CELSR1: variants seen among roughly 807,000 people sequenced by gnomAD.
The protein encoded by CELSR1 is cadherin EGF LAG seven-pass G-type receptor 1.
CELSR1 carries 110 observed loss-of-function variants against 249.1 expected under a neutral mutation model. The observed-to-expected ratio is 0.44, with a 90% CI of 0.38 to 0.52. The LOEUF is 0.52. Among genes scored for constraint, CELSR1 ranks in the 20% least tolerant of loss-of-function variants. CELSR1 has a pLI of 0.00. For synonymous variants in CELSR1, 2,113 were observed against 1,900.0 expected, an observed-to-expected ratio of 1.11 and a Z score of -2.92; for missense variants, 4,109 against 4,296.4, an observed-to-expected ratio of 0.96 and a Z score of 1.22.
At chr22:46,392,132 G>A (rs557811686) in intron 14 of CELSR1, among the ~76,000 whole-genome samples, 10 of 152,380 alleles carry the variant, frequency 6.6e-5, no homozygotes, top group African/African-American at 1.9e-4. Context: ...GCTTACGTAT[G>A]GGGATAGCCC....
intron 5 of CELSR1, among the ~76,000 whole-genome samples, chr22:46,414,681 G>A (rs920396303): frequency 6.6e-6 from 1 of 152,226 alleles, no homozygotes; most frequent in Admixed American, 6.5e-5. Flanking sequence ...GAGGCAGGGA[G>A]TGCATGGACA....
intron 5 of CELSR1, among the ~76,000 whole-genome samples, chr22:46,426,806 T>C (rs1340842385): frequency 6.6e-6 from 1 of 152,160 alleles, no homozygotes; most frequent in Non-Finnish European, 1.5e-5. Flanking sequence ...TCTTCCGCCA[T>C]GTGAGGACCC....
In CELSR1 at chr22:46,518,093, T is replaced by C. The variant is rs1049903255; in HGVS notation, c.3544+15534A>G. ...AATTTTTTTGTGTTTTTAGTAGAGA[T>C]GGGGTTTCTCCATGTTGGTCAGGCT... On this transcript the variant is annotated intron_variant, in intron 1 of 34. Coordinates refer to ENST00000674500, the MANE Select transcript of CELSR1 (RefSeq NM_001378328.1). The surrounding 1 kb of genome is among the most constrained non-coding windows in gnomAD (Gnocchi z 5.2). 6.6e-6 allele frequency among the ~76,000 whole-genome samples: 1 copy of C among 152,032 alleles called. No homozygotes were observed. Among genetic ancestry groups the C allele is most frequent in the Non-Finnish European group, 1.5e-5 (1 of 68,002 alleles).
intron 24 of CELSR1, among the ~76,000 whole-genome samples, chr22:46,373,882 G>A (rs373143969): frequency 3.3e-5 from 5 of 152,256 alleles, no homozygotes; most frequent in East Asian, 3.9e-4. Flanking sequence ...ACACAGAAGC[G>A]TAGGAGGAGA....
At position 46,381,575 on chromosome 22, in the gene CELSR1, G is replaced by T. The variant is rs2078978135; in HGVS notation, c.7088+271C>A. On this transcript the variant is annotated intron_variant, in intron 21 of 34. Coordinates refer to ENST00000674500, the MANE Select transcript of CELSR1 (RefSeq NM_001378328.1). The surrounding 1 kb of genome is among the most constrained non-coding windows in gnomAD (Gnocchi z 6.0). ...GGGGTCCCTCTGGGCACAAGATGGG[G>T]TGTATGCTGGGGAGGGGGCATTTCT... Among the ~76,000 whole-genome samples the T allele has an allele frequency of 6.6e-6, 1 of 152,208 alleles. No homozygotes were observed. The highest frequency in any genetic ancestry group is 6.5e-5 in the Admixed American group (1 of 15,284).
rs1172605643 is a variant in CELSR1, at chr22:46,537,350, C to A, written c.-180G>T. On this transcript the variant is annotated 5_prime_UTR_variant, in exon 1 of 35. Coordinates refer to ENST00000674500, the MANE Select transcript of CELSR1 (RefSeq NM_001378328.1). The surrounding 1 kb of genome is among the most constrained non-coding windows in gnomAD (Gnocchi z 5.8). ...TGGGGACCACGCGCCCGGCCTCCCC[C>A]GCAGCTTCCACTTCGAGAGCACTTT... Among the ~76,000 whole-genome samples the A allele has an allele frequency of 6.7e-6, 1 of 148,874 alleles. No homozygotes were observed. The highest frequency in any genetic ancestry group is 1.5e-5 in the Non-Finnish European group (1 of 66,816).
Position 46,534,059 on chromosome 22 carries a change from T to C in CELSR1, c.3112A>G (p.Ile1038Val), listed in dbSNP as rs1398447657. The change falls in exon 1 of 35, where the codon ATT becomes GTT. Residue 1038 changes from isoleucine (I) to valine (V), a missense_variant. Transcript: ENST00000674500. This position sits in a 1 kb window ranked among gnomAD's most constrained non-coding sequence, Gnocchi z 9.7. ...AAATGCCGCATGTCCCCTTCCACAA[T>C]CTGATACATGATCTGGGCATTAGGG... is the stretch of plus-strand genomic sequence containing the variant. ...EGPNAQIMYQ[I>V]VEGDMRHFFQ... 2 of 1,613,606 alleles carry C rather than the reference T, an allele frequency of 1.2e-6. No homozygotes were observed. Among genetic ancestry groups the C allele is most frequent in the African/African-American group, 1.3e-5 (1 of 74,920 alleles).
intron 1 of CELSR1, among the ~76,000 whole-genome samples, chr22:46,521,270 G>A (rs559991051): frequency 1.1e-4 from 16 of 152,232 alleles, no homozygotes; most frequent in African/African-American, 3.4e-4. Context: ...TTGGGAAGCC[G>A]AAGCAAGAGG....
intron 20 of CELSR1, 99 bp from the exon 21 acceptor site, chr22:46,382,149 TC>T: frequency 8.7e-7 from 1 of 1,145,172 alleles, no homozygotes; most frequent in Non-Finnish European, 1.2e-6. Flanking sequence ...CCAACAGATG[TC>T]CCACAGAAAA....
chr22:46,469,029 T>C lies in CELSR1; in HGVS notation c.3545-4684A>G, dbSNP rs1472268526. ...AGGCAGAGGTTGCAGTGAGCCAAGATTGCGCCACTGCACTCCAGCCTGGGG... is the reference window on the plus strand; with the variant it reads ...AGGCAGAGGTTGCAGTGAGCCAAGACTGCGCCACTGCACTCCAGCCTGGGG... On this transcript the variant is annotated intron_variant, in intron 1 of 34. Transcript: ENST00000674500. 2.6e-5 allele frequency among the ~76,000 whole-genome samples: 4 copies of C among 152,222 alleles called. No individual in the cohort carries two copies. In the South Asian group the frequency reaches 6.2e-4, roughly 24 times the overall value.
In CELSR1 at chr22:46,468,105, T is replaced by C. The variant is rs4823820; in HGVS notation, c.3545-3760A>G. Reference sequence around the variant, plus strand: ...ATTAACGGATTAAAACAATGTGGTCTGGCCAGGTGTGGTGGCTTACACCTG... The same window carrying C: ...ATTAACGGATTAAAACAATGTGGTCCGGCCAGGTGTGGTGGCTTACACCTG... On this transcript the variant is annotated intron_variant, in intron 1 of 34. Transcript: ENST00000674500. This position sits in a 1 kb window ranked among gnomAD's most constrained non-coding sequence, Gnocchi z 4.5. Among the ~76,000 whole-genome samples the C allele has an allele frequency of 0.92, 139,961 of 151,992 alleles. 64,631 individuals are homozygous for C. Among genetic ancestry groups the C allele is most frequent in the East Asian group, 1 (5,138 of 5,142 alleles).
Position 46,534,197 on chromosome 22 carries a change from T to C in CELSR1, c.2974A>G (p.Ile992Val), listed in dbSNP as rs748246932. ...TCAAACATGGGGGCATTGTCATTAA[T>C]GTCCAAGATGGTCACCTGGATTTCT... The part of the protein sequence containing the change: ...SVEIQVTILD[I>V]NDNAPMFEKD... Residue 992 changes from isoleucine to valine, a missense_variant, in exon 1 of 35, where the codon ATT (isoleucine) becomes GTT (valine). Around this residue, in one of 7 missense-constraint regions of CELSR1, gnomAD observed 886 missense variants for 896.5 expected, o/e 0.99. Coordinates refer to ENST00000674500, the MANE Select transcript of CELSR1 (RefSeq NM_001378328.1). The surrounding 1 kb of genome is among the most constrained non-coding windows in gnomAD (Gnocchi z 9.7). 1.5e-5 allele frequency: 24 copies of C among 1,613,752 alleles called. No homozygotes were observed. Among genetic ancestry groups the C allele is most frequent in the African/African-American group, 1.5e-4 (11 of 74,938 alleles).
At chr22:46,453,407 C>T (rs114450384) in intron 2 of CELSR1, among the ~76,000 whole-genome samples, 2,583 of 152,286 alleles carry the variant, frequency 0.017, 67 homozygotes, top group African/African-American at 0.056. Context: ...GACAGATCAA[C>T]GTCCAGAAAA....
intron 18 of CELSR1, 37 bp downstream of exon 18, chr22:46,389,253 G>T: frequency 6.3e-7 from 1 of 1,596,462 alleles, no homozygotes; most frequent in South Asian, 1.1e-5. Context: ...GAGTGTCCCC[G>T]AGTGTCCCCG....
chr22:46,362,226 C>T lies in CELSR1; in HGVS notation c.*997G>A, dbSNP rs929897718. The T allele has an allele frequency of 6.6e-6, 1 of 152,282 alleles. No homozygotes were observed. The highest frequency in any genetic ancestry group is 2.4e-5 in the African/African-American group (1 of 41,460). The allele number at this position is 152,282 out of a possible 1,614,324, so 9.4% of individuals were successfully genotyped here. On this transcript the variant is annotated 3_prime_UTR_variant, in exon 35 of 35. Coordinates refer to ENST00000674500, the MANE Select transcript of CELSR1 (RefSeq NM_001378328.1). ...TCCCCACCTGCAGCTCCCGGGCCAC[C>T]TGGGAGGCGGTGAGGGGAGGGGGTG...
rs1388274333 is a variant in CELSR1 at position 46,374,613 on chromosome 22, C to G, written c.7585-1556G>C. On this transcript the variant is annotated intron_variant, in intron 24 of 34. Transcript: ENST00000674500. This position sits in a 1 kb window ranked among gnomAD's most constrained non-coding sequence, Gnocchi z 4.3. ...GGACAGCGCTCACTCCGGCAGGCGACGAGTCAGTGTGGGAACCCAGGGGCC... is the reference window on the plus strand; with the variant it reads ...GGACAGCGCTCACTCCGGCAGGCGAGGAGTCAGTGTGGGAACCCAGGGGCC... Among the ~76,000 whole-genome samples the G allele has an allele frequency of 6.6e-6, 1 of 152,114 alleles. No homozygotes were observed. The highest frequency in any genetic ancestry group is 1.5e-5 in the Non-Finnish European group (1 of 68,018).
chr22:46,369,311 C>T lies in CELSR1; in HGVS notation c.7873-53G>A, dbSNP rs2078824866. 16 of 1,523,864 alleles carry T rather than the reference C, an allele frequency of 1.0e-5. 1 individual carries two copies. In the East Asian group the frequency reaches 3.6e-4, roughly 34 times the overall value. The allele number at this position is 1,523,864 out of a possible 1,614,324, so 94.4% of individuals were successfully genotyped here. On this transcript the variant is annotated intron_variant, in intron 26 of 34. Coordinates refer to ENST00000674500, the MANE Select transcript of CELSR1 (RefSeq NM_001378328.1). ...CTTCTCTCTCGTCACTGCAGACCTCCAACTGCCAAAAGCGCCTGAGGCCCT... is the reference window on the plus strand; with the variant it reads ...CTTCTCTCTCGTCACTGCAGACCTCTAACTGCCAAAAGCGCCTGAGGCCCT...
At position 46,534,324 on chromosome 22, in the gene CELSR1, C is replaced by T; in HGVS notation, c.2847G>A (p.Val949=). 2 of 1,613,118 alleles carry T rather than the reference C, an allele frequency of 1.2e-6. No individual in the cohort carries two copies. Among genetic ancestry groups the T allele is most frequent in the Non-Finnish European group, 1.7e-6 (2 of 1,180,038 alleles). ...GDFYIEPTSG[V]IRTQRRLDRE... ...GGTCCAGCCGGCGCTGGGTGCGAAT[C>T]ACACCGGACGTGGGCTCGATGTAGA... The change falls in exon 1 of 35, where the codon GTG becomes GTA. Residue 949 remains valine, a synonymous_variant. Transcript: ENST00000674500. This position sits in a 1 kb window ranked among gnomAD's most constrained non-coding sequence, Gnocchi z 9.7.
Position 46,447,629 on chromosome 22 carries a change from C to T in CELSR1, c.4184-8218G>A, listed in dbSNP as rs575807261. Among the ~76,000 whole-genome samples, 1 of 152,256 alleles carries T rather than the reference C, an allele frequency of 6.6e-6. No homozygotes were observed. Among genetic ancestry groups the T allele is most frequent in the East Asian group, 1.9e-4 (1 of 5,176 alleles). ...AGGGCTCAGCTTCCTGGCTATAGTA[C>T]AGAAAAGCTTTTTAAGAGAGTCTTA... is the stretch of plus-strand genomic sequence containing the variant. On this transcript the variant is annotated intron_variant, in intron 2 of 34. Coordinates refer to ENST00000674500, the MANE Select transcript of CELSR1 (RefSeq NM_001378328.1). This position sits in a 1 kb window ranked among gnomAD's most constrained non-coding sequence, Gnocchi z 4.7.
Sources: gnomAD v4.1 joint callset for allele counts (sites outside exome capture counted in the v4.1 genomes callset) on GRCh38, gnomAD v4.1.1 for gene constraint, gnomAD v4.1.1 regional missense constraint, Gnocchi (gnomAD v3.1) non-coding constraint, MANE v1.5 for transcripts, NCBI Gene and HGNC (gene_info 2026-07-23, HGNC 2026-07-21) for gene names.